Variants in TEX2 observed in about 807,000 individuals in gnomAD.
TEX2 encodes the protein testis expressed 2.
Under a neutral mutation model 106.9 loss-of-function variants are expected in TEX2, and 53 were observed. That is an observed-to-expected ratio of 0.50 (90% CI 0.40 to 0.62). The LOEUF is 0.62. TEX2 is among the 20% of genes least tolerant of loss of function. TEX2 has a pLI of 0.00. For missense variants in TEX2, 1,207 were observed against 1,379.0 expected (o/e 0.88, Z 1.98); for synonymous variants, 523 against 534.8 (o/e 0.98, Z 0.30).
intron 4 of TEX2, among the ~76,000 whole-genome samples, chr17:64,188,803 G>A (rs1370489494): frequency 2.8e-4 from 41 of 146,722 alleles, no homozygotes; most frequent in Middle Eastern, 3.5e-3. Context: ...GCAACAGAGC[G>A]AGACTCCATC....
At chr17:64,253,767 T>C (rs994418568) in intron 1 of TEX2, among the ~76,000 whole-genome samples, 1 of 152,218 alleles carries the variant, frequency 6.6e-6, no homozygotes, top group Non-Finnish European at 1.5e-5. Context: ...AAGCACAGGC[T>C]GAACAAACTC....
chr17:64,216,121 G>A (rs1229253208), intron 1 of TEX2, among the ~76,000 whole-genome samples: 1 of 152,128 alleles, frequency 6.6e-6, no homozygotes, highest in East Asian at 1.9e-4. Flanking sequence ...CCAGGAAAAG[G>A]GAATGATCTC....
chr17:64,177,217 T>C (rs2031650224), intron 6 of TEX2, 108 bp downstream of exon 6: 3 of 1,315,900 alleles, frequency 2.3e-6, no homozygotes, highest in Non-Finnish European at 2.2e-6. Flanking sequence ...TACCCTCATA[T>C]GTTATACGTT....
intron 11 of TEX2, 70 bp downstream of exon 11, chr17:64,150,771 G>A: frequency 3.3e-6 from 5 of 1,527,982 alleles, no homozygotes; most frequent in South Asian, 1.3e-5. Context: ...CCCAGCTGAA[G>A]TTCAGAACCT....
intron 1 of TEX2, among the ~76,000 whole-genome samples, chr17:64,246,814 AG>A (rs2143448088): frequency 6.6e-6 from 1 of 152,264 alleles, no homozygotes; most frequent in African/African-American, 2.4e-5. Flanking sequence ...AGGCCTTCCA[AG>A]GAAGGGCAGG....
intron 1 of TEX2, among the ~76,000 whole-genome samples, chr17:64,232,710 C>T (rs939818023): frequency 3.9e-5 from 6 of 152,188 alleles, no homozygotes; most frequent in Non-Finnish European, 7.3e-5. Context: ...CCAATCAGAA[C>T]GTGGAGTCAG....
rs3070736 is a variant in TEX2, at chr17:64,168,902, C to CTTTTTTTTTTTTTT, written c.2671+2184_2671+2197dup. ...CTATGCAGTGAACACATAGATGGTG[C>CTTTTTTTTTTTTTT]TTTTTTTTTTTTTTTTTGAGACAGA... On this transcript the variant is annotated intron_variant, in intron 7 of 11. Coordinates refer to ENST00000584379, the MANE Select transcript of TEX2 (RefSeq NM_001288732.2). 3.7e-5 allele frequency among the ~76,000 whole-genome samples: 4 copies of CTTTTTTTTTTTTTT among 106,968 alleles called. 1 individual carries two copies. The highest frequency in any genetic ancestry group is 7.2e-5 in the African/African-American group (2 of 27,886). 70.2% of individuals were successfully genotyped at this position (106,968 alleles called of 152,430 possible). A position where few individuals can be genotyped will look rare whatever the true frequency, so the allele number is the denominator to read the frequency against.
intron 1 of TEX2, among the ~76,000 whole-genome samples, chr17:64,254,256 T>C (rs1437838704): frequency 6.6e-6 from 1 of 152,130 alleles, no homozygotes; most frequent in Non-Finnish European, 1.5e-5. Flanking sequence ...AGATCATGAG[T>C]CCCACCAGGC....
At chr17:64,166,080 G>A (rs181461276) in intron 7 of TEX2, among the ~76,000 whole-genome samples, 2 of 152,306 alleles carry the variant, frequency 1.3e-5, no homozygotes, top group Non-Finnish European at 1.5e-5. Context: ...TGACACACCT[G>A]TGGGCACCTG....
At chr17:64,238,636 C>T (rs2033821380) in intron 1 of TEX2, among the ~76,000 whole-genome samples, 1 of 152,142 alleles carries the variant, frequency 6.6e-6, no homozygotes, top group Admixed American at 6.5e-5. Context: ...AAGGGGGAAG[C>T]CCCTTATAAA....
In TEX2 at chr17:64,193,563, T is replaced by A; in HGVS notation, c.2172A>T (p.Lys724Asn). The part of the protein sequence containing the change: ...IKKSSGVSGG[K>N]PGLLPAHSRH... ...ATTTAGCACAAACATCATTACCTGG[T>A]TTACCTCCAGAGACACCCGATGACT... The change falls in exon 4 of 12, where the codon AAA (lysine) becomes AAT (asparagine). Residue 724 changes from lysine (K) to asparagine (N), a missense_variant. Physicochemically the swap from Lys to Asn is moderately conservative, Grantham distance 94. Around this residue, in one of 3 missense-constraint regions of TEX2, gnomAD observed 1,067 missense variants for 1,193.6 expected, o/e 0.89. Coordinates refer to ENST00000584379, the MANE Select transcript of TEX2 (RefSeq NM_001288732.2). 7.1e-7 allele frequency: 1 copy of A among 1,415,930 alleles called. No homozygotes were observed. The highest frequency in any genetic ancestry group is 9.3e-7 in the Non-Finnish European group (1 of 1,075,882). 87.7% of individuals were successfully genotyped at this position (1,415,930 alleles called of 1,614,324 possible).
chr17:64,242,916 C>A (rs2033914718), intron 1 of TEX2, among the ~76,000 whole-genome samples: 1 of 151,230 alleles, frequency 6.6e-6, no homozygotes, highest in Non-Finnish European at 1.5e-5. Flanking sequence ...GAGATCCCAT[C>A]TCTAAAAAAA....
chr17:64,168,670 A>G (rs941541946), intron 7 of TEX2, among the ~76,000 whole-genome samples: 1 of 152,180 alleles, frequency 6.6e-6, no homozygotes, highest in Non-Finnish European at 1.5e-5. Context: ...GTCCTGAGAT[A>G]AGAGGCTGCT....
intron 2 of TEX2, among the ~76,000 whole-genome samples, chr17:64,209,761 A>C (rs1394951491): frequency 2.6e-5 from 4 of 152,206 alleles, no homozygotes; most frequent in Non-Finnish European, 5.9e-5. Flanking sequence ...CGCTAACTGA[A>C]CAGGGTTGTG....
chr17:64,227,080 G>C (rs2033524792), intron 1 of TEX2, among the ~76,000 whole-genome samples: 1 of 152,054 alleles, frequency 6.6e-6, no homozygotes, highest in Non-Finnish European at 1.5e-5. Context: ...ACAAAAATTA[G>C]CTGGGCGTGG....
chr17:64,211,632 A>C (rs2033003207), intron 2 of TEX2, among the ~76,000 whole-genome samples: 1 of 152,234 alleles, frequency 6.6e-6, no homozygotes, highest in Non-Finnish European at 1.5e-5. Flanking sequence ...GAATGAGCAT[A>C]GGTTATATAT....
At chr17:64,249,038 GAA>G (rs200334858) in intron 1 of TEX2, among the ~76,000 whole-genome samples, 2 of 123,024 alleles carry the variant, frequency 1.6e-5, no homozygotes, top group Admixed American at 8.2e-5. Flanking sequence ...TTGTCTCAAA[GAA>G]AAAAAAAAAA....
intron 1 of TEX2, among the ~76,000 whole-genome samples, chr17:64,244,714 G>A (rs571910134): frequency 6.6e-6 from 1 of 152,002 alleles, no homozygotes; most frequent in Non-Finnish European, 1.5e-5. Flanking sequence ...TCAACATCCT[G>A]TAAGAATAAC....
intron 1 of TEX2, among the ~76,000 whole-genome samples, chr17:64,236,598 A>G (rs2033773655): frequency 6.6e-6 from 1 of 152,242 alleles, no homozygotes; most frequent in South Asian, 2.1e-4. Context: ...ATATGCAAAT[A>G]TAACACCACT....
Sources: allele counts gnomAD v4.1 joint callset (sites outside exome capture counted in the v4.1 genomes callset), GRCh38; gene constraint gnomAD v4.1.1; regional missense constraint gnomAD v4.1.1; transcripts MANE v1.5; gene names NCBI Gene and HGNC (gene_info 2026-07-23, HGNC 2026-07-21).